The following RTL9 variants were observed in gnomAD, a reference collection of about 807,000 sequenced individuals.
RTL9 encodes retrotransposon Gag-like protein 9.
Under a neutral mutation model 44.7 loss-of-function variants are expected in RTL9, and 19 were observed. That is an observed-to-expected ratio of 0.42 (90% CI 0.30 to 0.62). The LOEUF (loss-of-function observed/expected upper bound fraction) is 0.62. Among genes scored for constraint, RTL9 ranks in the 20% least tolerant of loss-of-function variants. The pLI is 0.16. For synonymous variants in RTL9, 407 were observed against 398.9 expected, an observed-to-expected ratio of 1.02 and a Z score of -0.24; for missense variants, 1,105 against 1,080.6, an observed-to-expected ratio of 1.02 and a Z score of -0.32.
At chrX:110,393,060 C>A (rs954033502) in intron 1 of RTL9, among the ~76,000 whole-genome samples, 2 of 111,690 alleles carry the variant, frequency 1.8e-5, no homozygotes, top group Non-Finnish European at 3.8e-5. Context: ...CACATTTGCA[C>A]AATTTGCACA....
intron 1 of RTL9, among the ~76,000 whole-genome samples, chrX:110,421,413 C>G (rs1023691153): frequency 4.4e-5 from 5 of 112,543 alleles, no homozygotes; most frequent in African/African-American, 1.3e-4. Flanking sequence ...GACCTAATGT[C>G]TGTGAGGGAA....
intron 1 of RTL9, among the ~76,000 whole-genome samples, chrX:110,401,769 C>T (rs1049890287): frequency 1.1e-4 from 12 of 112,149 alleles, no homozygotes; most frequent in Admixed American, 8.5e-4. Flanking sequence ...AGTGAGCCTT[C>T]GTTTCCTCCC....
At chrX:110,378,008 C>CAAAAAAAAA (rs755483656) in intron 1 of RTL9, among the ~76,000 whole-genome samples, 4 of 30,946 alleles carry the variant, frequency 1.3e-4, no homozygotes, top group African/African-American at 5.5e-4. Flanking sequence ...GACTCCGTCT[C>CAAAAAAAAA]AAAAAAAAAA....
At chrX:110,430,521 C>T (rs1004091455) in intron 1 of RTL9, among the ~76,000 whole-genome samples, 1 of 111,726 alleles carries the variant, frequency 9.0e-6, no homozygotes, top group African/African-American at 3.3e-5. Flanking sequence ...AACCCAGGCA[C>T]CCTAGAGACA....
chrX:110,367,290 G>A (rs955347522), intron 1 of RTL9, among the ~76,000 whole-genome samples: 1 of 111,781 alleles, frequency 8.9e-6, no homozygotes, highest in Non-Finnish European at 1.9e-5. Flanking sequence ...TCTGGAATGA[G>A]TTGTCTCTGC....
Position 110,453,070 on chromosome X carries a change from T to C in RTL9, c.2453T>C (p.Met818Thr), listed in dbSNP as rs2068955723. Residue 818 changes from methionine (M) to threonine (T), a missense_variant, in exon 1 of 2, where the codon ATG becomes ACG. By Grantham distance (81) the Met-to-Thr change is moderately conservative (BLOSUM62 -1). Coordinates refer to ENST00000540313, the Ensembl canonical transcript of RTL9. Reference sequence around the variant, plus strand: ...CTGAGATCCCCAGCTTATGGAGCCATGTCTGCTCCACAAATGACAGCCACA... The same window carrying C: ...CTGAGATCCCCAGCTTATGGAGCCACGTCTGCTCCACAAATGACAGCCACA... 4 of 1,211,185 alleles carry C rather than the reference T, an allele frequency of 3.3e-6. No homozygotes were observed. In the East Asian group the frequency reaches 1.2e-4, roughly 36 times the overall value.
exon 1 of RTL9, chrX:110,452,678 A>AGTCTCT (rs1280143518): frequency 9.1e-6 from 11 of 1,209,883 alleles, no homozygotes; most frequent in Non-Finnish European, 1.2e-5. Flanking sequence ...TGACAGCCAC[A>AGTCTCT]GTCTCTGGAG....
chrX:110,374,013 A>G (rs141407395), intron 1 of RTL9, among the ~76,000 whole-genome samples: 2,261 of 112,371 alleles, frequency 0.02, 48 homozygotes, highest in African/African-American at 0.069. Flanking sequence ...AAGGGAAAAT[A>G]GAAGACACAC....
chrX:110,450,497 GAAC>G (rs1197582078), upstream of RTL9: 68 of 599,233 alleles, frequency 1.1e-4, no homozygotes, highest in Non-Finnish European at 1.2e-4. Flanking sequence ...TCTCCACCAT[GAAC>G]AATTTGTCTG....
chrX:110,388,745 T>A (rs1431101410), intron 1 of RTL9, among the ~76,000 whole-genome samples: 1 of 111,818 alleles, frequency 8.9e-6, no homozygotes, highest in East Asian at 2.8e-4. Flanking sequence ...TCTCAGGTGA[T>A]GCTGATGCTC....
At chrX:110,454,632 A>G (rs2068969781) in exon 1 of RTL9, 20 of 1,201,677 alleles carry the variant, frequency 1.7e-5, no homozygotes, top group Non-Finnish European at 2.1e-5. Flanking sequence ...GGCCATGGGG[A>G]ATGAACTGAG....
At chrX:110,373,822 T>A (rs1237691832) in intron 1 of RTL9, among the ~76,000 whole-genome samples, 2 of 110,522 alleles carry the variant, frequency 1.8e-5, no homozygotes, top group Non-Finnish European at 3.8e-5. Flanking sequence ...AAATGAAGAA[T>A]ATAGAAAATA....
At chrX:110,448,662 G>A (rs2068921902), upstream of RTL9, among the ~76,000 whole-genome samples, 1 of 95,855 alleles carries the variant, frequency 1.0e-5, no homozygotes, top group Non-Finnish European at 2.1e-5. Flanking sequence ...AGCAAGTCAG[G>A]AGCAGTGGGG....
intron 1 of RTL9, among the ~76,000 whole-genome samples, chrX:110,405,275 G>A (rs917163289): frequency 9.0e-6 from 1 of 111,690 alleles, no homozygotes; most frequent in African/African-American, 3.3e-5. Flanking sequence ...ATTGCAAAGG[G>A]AGCTTGTAAA....
intron 1 of RTL9, among the ~76,000 whole-genome samples, chrX:110,400,385 C>T (rs950520964): frequency 9.2e-6 from 1 of 108,684 alleles, no homozygotes; most frequent in African/African-American, 3.4e-5. Context: ...TATGGCTTTC[C>T]GTATTGTTCT....
chrX:110,450,460 A>G (rs996468709), upstream of RTL9: 7 of 480,225 alleles, frequency 1.5e-5, no homozygotes, highest in East Asian at 1.0e-4. Context: ...CTTCAATGCC[A>G]TATACCTGAC....
chrX:110,406,691 C>T (rs910974575), intron 1 of RTL9, among the ~76,000 whole-genome samples: 3 of 112,065 alleles, frequency 2.7e-5, no homozygotes, highest in South Asian at 7.5e-4. Flanking sequence ...GTGTCTTCCA[C>T]GATATTTGAA....
At chrX:110,377,395 C>T (rs1237805684) in intron 1 of RTL9, among the ~76,000 whole-genome samples, 2 of 111,760 alleles carry the variant, frequency 1.8e-5, no homozygotes, top group South Asian at 7.6e-4. Flanking sequence ...ACTTCATTGT[C>T]CCTTATGCAA....
chrX:110,448,263 G>A (rs1428012011), upstream of RTL9, among the ~76,000 whole-genome samples: 2 of 110,912 alleles, frequency 1.8e-5, no homozygotes, highest in African/African-American at 6.6e-5. Flanking sequence ...CTCTTTGAAC[G>A]TTTCTGATGC....
Sources: gnomAD v4.1 joint callset for allele counts (sites outside exome capture counted in the v4.1 genomes callset) on GRCh38, gnomAD v4.1.1 for gene constraint, MANE v1.5 for transcripts, NCBI Gene and HGNC (gene_info 2026-07-23, HGNC 2026-07-21) for gene names.